Variants in DOCK6 observed in about 807,000 individuals in gnomAD.
DOCK6 encodes the protein dedicator of cytokinesis 6.
A neutral mutation model predicts 230.3 loss-of-function variants in DOCK6; 167 were observed. That is an observed-to-expected ratio of 0.73 (90% CI 0.64 to 0.82). The LOEUF is 0.82. Among genes scored for constraint, DOCK6 ranks in the 40% least tolerant of loss-of-function variants. The pLI is 0.00. For missense variants in DOCK6, 2,598 were observed against 2,825.8 expected, an observed-to-expected ratio of 0.92 and a Z score of 1.83; for synonymous variants, 1,148 against 1,185.0, an observed-to-expected ratio of 0.97 and a Z score of 0.64.
In DOCK6 at chr19:11,200,532, G is replaced by T; in HGVS notation, c.5940-63C>A. ...ACACGGGACTGAAAGCAAGACTAGG[G>T]GTGGGGGCACCCATAAGGCGGGACC... On this transcript the variant is annotated intron_variant, in intron 46 of 47. Coordinates refer to ENST00000294618, the MANE Select transcript of DOCK6 (RefSeq NM_020812.4). The surrounding 1 kb of genome is among the most constrained non-coding windows in gnomAD (Gnocchi z 4.3). 6.4e-7 allele frequency: 1 copy of T among 1,573,718 alleles called. No individual in the cohort carries two copies.
chr19:11,225,207 G>A (rs894821419), intron 24 of DOCK6, among the ~76,000 whole-genome samples: 1 of 152,162 alleles, frequency 6.6e-6, no homozygotes, highest in African/African-American at 2.4e-5. Flanking sequence ...CAGCCTCGGG[G>A]ACAGAGCAAG....
chr19:11,219,962 T>A (rs1380584771), intron 28 of DOCK6, among the ~76,000 whole-genome samples: 2 of 151,146 alleles, frequency 1.3e-5, no homozygotes, highest in Admixed American at 6.6e-5. Context: ...TGTTTTTTGT[T>A]TTTTTTTTGA....
At chr19:11,245,425 G>T in intron 9 of DOCK6, 138 bp downstream of exon 9, 1 of 948,380 alleles carries the variant, frequency 1.1e-6, no homozygotes, top group Non-Finnish European at 1.6e-6. Context: ...TGGATCAGGG[G>T]CCTCCTCCCT....
intron 47 of DOCK6, 22 bp from the exon 48 acceptor site, chr19:11,199,561 G>A (rs1244860032): frequency 1.3e-6 from 2 of 1,568,292 alleles, no homozygotes; most frequent in Non-Finnish European, 1.7e-6. Context: ...ATGAGGGTGG[G>A]TCAGCATGGC....
At chr19:11,215,586 G>C in intron 31 of DOCK6, 115 bp from the exon 32 acceptor site, 1 of 1,305,186 alleles carries the variant, frequency 7.7e-7, no homozygotes, top group Non-Finnish European at 1.1e-6. Flanking sequence ...GAGGGCACTG[G>C]GTGGAGCAGA....
Position 11,233,171 on chromosome 19 carries a change from G to T in DOCK6, c.2718+32C>A, listed in dbSNP as rs767463308. 1.4e-5 allele frequency: 23 copies of T among 1,606,748 alleles called. No individual in the cohort carries two copies. The East Asian group carries it at 4.7e-4, about 33-fold the overall frequency. ...CACACGTGGCAACCACAACCACTGA[G>T]GCTGGAGATTCCAGGGCCCCCGTTG... On this transcript the variant is annotated intron_variant, in intron 22 of 47. Transcript: ENST00000294618.
At chr19:11,230,392 C>T (rs1056229162) in intron 22 of DOCK6, among the ~76,000 whole-genome samples, 4 of 151,988 alleles carry the variant, frequency 2.6e-5, no homozygotes, top group Admixed American at 6.6e-5. Flanking sequence ...AAACACAGTA[C>T]GCCAGTGACC....
intron 1 of DOCK6, chr19:11,253,959 T>C (rs912994001): frequency 2.1e-5 from 9 of 425,912 alleles, no homozygotes; most frequent in Admixed American, 4.7e-5. Flanking sequence ...TCTGAAGCCA[T>C]CACGGACTCT....
rs1488115255 is a variant in DOCK6, at chr19:11,249,870, C to A, written c.720+1004G>T. 1.6e-4 allele frequency among the ~76,000 whole-genome samples: 22 copies of A among 134,820 alleles called. No individual in the cohort carries two copies. In the Admixed American group the frequency reaches 1.8e-3, roughly 11 times the overall value. 88.4% of individuals were successfully genotyped at this position (134,820 alleles called of 152,430 possible). A position where few individuals can be genotyped will look rare whatever the true frequency, so the allele number is the denominator to read the frequency against. ...CCGAGATAGCGCCACTGCAGTCCAGCCTGGGCGACAAGAGCGAGACTCCAT... is the reference window on the plus strand; with the variant it reads ...CCGAGATAGCGCCACTGCAGTCCAGACTGGGCGACAAGAGCGAGACTCCAT... On this transcript the variant is annotated intron_variant, in intron 6 of 47. Transcript: ENST00000294618.
chr19:11,229,550 A>T (rs1312683380), intron 22 of DOCK6, among the ~76,000 whole-genome samples: 1 of 152,106 alleles, frequency 6.6e-6, no homozygotes, highest in Non-Finnish European at 1.5e-5. Flanking sequence ...GACCAGGGCC[A>T]TGGATGCCAA....
chr19:11,241,858 G>A, intron 14 of DOCK6, 187 bp downstream of exon 14: 2 of 1,305,672 alleles, frequency 1.5e-6, no homozygotes, highest in East Asian at 2.5e-5. Context: ...GGCAGAGGAT[G>A]TAGCCCCATT....
intron 3 of DOCK6, 24 bp from the exon 4 acceptor site, chr19:11,252,574 A>C: frequency 6.2e-7 from 1 of 1,613,816 alleles, no homozygotes; most frequent in South Asian, 1.1e-5. Context: ...AGATCAGGGT[A>C]AACAGAGACA....
At chr19:11,216,844 G>C in intron 30 of DOCK6, 70 bp downstream of exon 30, 2 of 1,521,814 alleles carry the variant, frequency 1.3e-6, no homozygotes, top group Non-Finnish European at 1.8e-6. Flanking sequence ...CACTCAGCCC[G>C]CAGCACGCTG....
Position 11,208,714 on chromosome 19 carries a change from A to G in DOCK6, c.5060T>C (p.Leu1687Pro). 1 of 1,613,018 alleles carries G rather than the reference A, an allele frequency of 6.2e-7. No individual in the cohort carries two copies. Among genetic ancestry groups the G allele is most frequent in the East Asian group, 2.2e-5 (1 of 44,838 alleles). The part of the protein sequence containing the change: ...HFTELGLVGL[L>P]EQAAGYFTMG... ...GGTGAAGTAGCCGGCTGCCTGTTCC[A>G]GCAACCCTACCAGCCCCAGCTCAGT... Residue 1687 changes from leucine (L) to proline (P), a missense_variant, in exon 39 of 48, where the codon CTG becomes CCG. By Grantham distance (98) the Leu-to-Pro change is moderately conservative. Coordinates refer to ENST00000294618, the MANE Select transcript of DOCK6 (RefSeq NM_020812.4).
chr19:11,252,585 A>G (rs1349792223), intron 3 of DOCK6, 35 bp from the exon 4 acceptor site: 1 of 1,612,188 alleles, frequency 6.2e-7, no homozygotes, highest in East Asian at 2.2e-5. Context: ...AACAGAGACA[A>G]GGCCTCTGTG....
intron 1 of DOCK6, among the ~76,000 whole-genome samples, chr19:11,257,803 ATCCATCTAT>A (rs2080222009): frequency 6.6e-6 from 1 of 151,986 alleles, no homozygotes; most frequent in East Asian, 1.9e-4. Flanking sequence ...AAAAAAAAAA[ATCCATCTAT>A]AAGCCAGGTG....
chr19:11,223,083 G>C lies in DOCK6; in HGVS notation c.2979C>G (p.Leu993=). 6.2e-7 allele frequency: 1 copy of C among 1,613,566 alleles called. No individual in the cohort carries two copies. Among genetic ancestry groups the C allele is most frequent in the South Asian group, 1.1e-5 (1 of 91,066 alleles). The change falls in exon 25 of 48, where the codon CTC becomes CTG. Residue 993 remains leucine (L), a synonymous_variant. Transcript: ENST00000294618. ...VHKDVELAEH[L]NASLAFFLSD... is the part of the protein sequence containing the mutation. The stretch of plus-strand genomic sequence containing the variant: ...TGAGGAAGAAAGCCAGGCTGGCGTT[G>C]AGGTGCTCGGCCAGCTCCACATCCT...
rs867111250 is a variant in DOCK6 at position 11,236,778 on chromosome 19, C to T, written c.2160+15G>A. The T allele has an allele frequency of 7.7e-6, 12 of 1,551,722 alleles. No homozygotes were observed. Among genetic ancestry groups the T allele is most frequent in the East Asian group, 7.3e-5 (3 of 40,982 alleles). On this transcript the variant is annotated intron_variant, in intron 19 of 47. Transcript: ENST00000294618. The surrounding 1 kb of genome is among the most constrained non-coding windows in gnomAD (Gnocchi z 5.2). ...GGAGCAGGGCGGGACTCTTGGTTCC[C>T]GGCCCACCCCGTACCTGGGGGTGCA... is the stretch of plus-strand genomic sequence containing the variant.
intron 7 of DOCK6, 69 bp downstream of exon 7, chr19:11,247,997 T>C: frequency 7.3e-7 from 1 of 1,378,920 alleles, no homozygotes; most frequent in Non-Finnish European, 1.0e-6. Context: ...ACTCATGTAG[T>C]GTGTACCCCG....
Sources: gnomAD v4.1 joint callset for allele counts (sites outside exome capture counted in the v4.1 genomes callset) on GRCh38, gnomAD v4.1.1 for gene constraint, Gnocchi (gnomAD v3.1) non-coding constraint, MANE v1.5 for transcripts, NCBI Gene and HGNC (gene_info 2026-07-23, HGNC 2026-07-21) for gene names.